The following DNAI3 variants were observed in gnomAD, a reference collection of about 807,000 sequenced individuals.
DNAI3 encodes the protein dynein axonemal intermediate chain 3, also known as WD repeat domain 63.
In DNAI3, 83 loss-of-function variants were observed where a neutral mutation model predicts 115.5. That is an observed-to-expected ratio of 0.72 (90% confidence interval 0.60 to 0.86). DNAI3 has a LOEUF of 0.86. Ranked by LOEUF, DNAI3 falls within the 40% of genes least tolerant of loss-of-function variation. DNAI3 has a pLI of 0.00. For synonymous variants in DNAI3, 320 were observed against 347.0 expected (o/e 0.92, Z 0.86); for missense variants, 1,004 against 1,075.8 (o/e 0.93, Z 0.93).
At chr1:85,124,518 A>C (rs1339252043) in intron 19 of DNAI3, among the ~76,000 whole-genome samples, 2 of 152,100 alleles carry the variant, frequency 1.3e-5, no homozygotes, top group Non-Finnish European at 2.9e-5. Context: ...TACTGTGGGC[A>C]GTTGACTTCA....
intron 14 of DNAI3, among the ~76,000 whole-genome samples, chr1:85,106,717 A>G (rs549395992): frequency 6.6e-6 from 1 of 152,374 alleles, no homozygotes; most frequent in South Asian, 2.1e-4. Context: ...CTGAGAGTCC[A>G]GAAATGAACC....
At chr1:85,121,404 G>A (rs1347226616) in intron 17 of DNAI3, among the ~76,000 whole-genome samples, 3 of 152,216 alleles carry the variant, frequency 2.0e-5, no homozygotes, top group African/African-American at 7.2e-5. Context: ...GGGCTGAAAA[G>A]TAATCACTGA....
Position 85,104,729 on chromosome 1 carries a change from A to C in DNAI3, c.1553+132A>C, listed in dbSNP as rs1015079626. 11 of 729,468 alleles carry C rather than the reference A, an allele frequency of 1.5e-5. No individual in the cohort carries two copies. In the African/African-American group the frequency reaches 2.0e-4, roughly 13 times the overall value. 45.2% of individuals were successfully genotyped at this position (729,468 alleles called of 1,614,324 possible). ...TAAATCTAATATAACTAAATGAAAG[A>C]ATGTTATGGATTGTTGCTAGCTTAA... On this transcript the variant is annotated intron_variant, in intron 14 of 22. Transcript: ENST00000294664.
intron 13 of DNAI3, among the ~76,000 whole-genome samples, chr1:85,099,029 G>A (rs1254045005): frequency 6.6e-6 from 1 of 152,176 alleles, no homozygotes; most frequent in Non-Finnish European, 1.5e-5. Flanking sequence ...AAAGATCTGT[G>A]GCATACCATG....
rs186788973 is a variant in DNAI3 at position 85,117,719 on chromosome 1, C to T, written c.1787-10C>T. The T allele has an allele frequency of 1.2e-6, 2 of 1,612,628 alleles. No homozygotes were observed. The highest frequency in any genetic ancestry group is 1.3e-5 in the African/African-American group (1 of 75,012). The stretch of plus-strand genomic sequence containing the variant: ...AATATGTACTTCTTCTACCCACACT[C>T]CTCTGAAAGACAAAATGTTAGCACA... On this transcript the variant is annotated splice_polypyrimidine_tract_variant and intron_variant, in intron 16 of 22. Transcript: ENST00000294664.
At chr1:85,091,250 A>G (rs1251130070) in intron 8 of DNAI3, among the ~76,000 whole-genome samples, 1 of 152,246 alleles carries the variant, frequency 6.6e-6, no homozygotes, top group Non-Finnish European at 1.5e-5. Flanking sequence ...TTGTTTACAT[A>G]TAATCAATAT....
chr1:85,110,259 G>A lies in DNAI3; in HGVS notation c.1786+124G>A, dbSNP rs1188702756. On this transcript the variant is annotated intron_variant, in intron 16 of 22. Transcript: ENST00000294664. ...GAGGTCAGCAGATCGAGATCATCCT[G>A]GCTAACACGGTGAAACCCCGTCTCT... The A allele has an allele frequency of 8.0e-6, 6 of 747,176 alleles. No individual in the cohort carries two copies. The East Asian group carries it at 1.4e-4, about 17-fold the overall frequency. The allele number at this position is 747,176 out of a possible 1,614,324, so 46.3% of individuals were successfully genotyped here. A position where few individuals can be genotyped will look rare whatever the true frequency, so the allele number is the denominator to read the frequency against.
chr1:85,113,857 C>A (rs817469), intron 16 of DNAI3, among the ~76,000 whole-genome samples: 2 of 151,826 alleles, frequency 1.3e-5, no homozygotes. Context: ...TCGTTAATTT[C>A]TCAGATATGT....
chr1:85,088,455 G>T (rs999041329), intron 7 of DNAI3, among the ~76,000 whole-genome samples: 1 of 152,170 alleles, frequency 6.6e-6, no homozygotes, highest in African/African-American at 2.4e-5. Flanking sequence ...AGGGTAGCTG[G>T]TATGAGGTAG....
intron 14 of DNAI3, among the ~76,000 whole-genome samples, chr1:85,106,013 G>A (rs1655480371): frequency 6.6e-6 from 1 of 152,154 alleles, no homozygotes; most frequent in South Asian, 2.1e-4. Flanking sequence ...GGTGGCACAT[G>A]CCTGTAGTCC....
Position 85,097,590 on chromosome 1 carries a change from G to T in DNAI3, c.1285G>T (p.Ala429Ser), listed in dbSNP as rs1389668154. Residue 429 changes from alanine (A) to serine (S), a missense_variant, in exon 12 of 23, where the codon GCA (alanine) becomes TCA (serine). Ala to Ser is a moderately conservative substitution (Grantham distance 99, BLOSUM62 1). Transcript: ENST00000294664. ...NGQIVMWDIT[A>S]HADRIENIKA... ...TTAGATTGTCATGTGGGATATCACC[G>T]CACATGCAGATCGCATAGAAAACAT... 3 of 1,612,274 alleles carry T rather than the reference G, an allele frequency of 1.9e-6. No homozygotes were observed. In the South Asian group the frequency reaches 3.3e-5, roughly 18 times the overall value.
intron 2 of DNAI3, 23 bp from the exon 3 acceptor site, chr1:85,073,031 G>A: frequency 1.4e-6 from 2 of 1,424,166 alleles, no homozygotes; most frequent in Non-Finnish European, 1.9e-6. Context: ...ATGTAAATTT[G>A]ACTTCCTTTT....
At chr1:85,107,204 G>C (rs1219760487) in intron 14 of DNAI3, among the ~76,000 whole-genome samples, 2 of 152,124 alleles carry the variant, frequency 1.3e-5, no homozygotes, top group African/African-American at 4.8e-5. Context: ...ATTAAACACA[G>C]AGTTACCATT....
At chr1:85,127,528 T>C (rs1656185997) in intron 20 of DNAI3, among the ~76,000 whole-genome samples, 1 of 152,160 alleles carries the variant, frequency 6.6e-6, no homozygotes, top group Admixed American at 6.6e-5. Flanking sequence ...TGAACCACTG[T>C]AACCCACCTG....
chr1:85,082,531 A>T, intron 5 of DNAI3, 127 bp downstream of exon 5: 2 of 708,350 alleles, frequency 2.8e-6, no homozygotes, highest in Non-Finnish European at 4.8e-6. Flanking sequence ...TGCAACGTCA[A>T]TCTCCCAGGC....
chr1:85,077,822 C>T (rs1654508918), intron 3 of DNAI3, among the ~76,000 whole-genome samples: 1 of 150,830 alleles, frequency 6.6e-6, no homozygotes, highest in Non-Finnish European at 1.5e-5. Context: ...TATCGTTTGT[C>T]AATTATAACT....
At position 85,082,323 on chromosome 1, in the gene DNAI3, G is replaced by C; in HGVS notation, c.309G>C (p.Leu103=). ...IVQEYPGNEL[L]LVYDKDFKYG... is the part of the protein sequence containing the mutation. ...AGGAATATCCTGGAAATGAGCTTCT[G>C]CTTGTTTATGACAAAGACTTCAAAT... Residue 103 remains leucine (L), a synonymous_variant, in exon 5 of 23, where the codon CTG becomes CTC. Coordinates refer to ENST00000294664, the MANE Select transcript of DNAI3 (RefSeq NM_145172.5). 6.2e-7 allele frequency: 1 copy of C among 1,613,404 alleles called. No individual in the cohort carries two copies. Among genetic ancestry groups the C allele is most frequent in the Non-Finnish European group, 8.5e-7 (1 of 1,179,682 alleles).
In DNAI3 at chr1:85,126,631, C is replaced by A. The variant is rs749529083; in HGVS notation, c.2233C>A (p.Leu745Ile). The A allele has an allele frequency of 3.7e-6, 6 of 1,614,078 alleles. No homozygotes were observed. The highest frequency in any genetic ancestry group is 1.6e-4 in the Middle Eastern group (1 of 6,062). The change falls in exon 20 of 23, where the codon CTT becomes ATT. Residue 745 changes from leucine to isoleucine, a missense_variant. Leu to Ile is a conservative substitution (Grantham distance 5, BLOSUM62 2). Coordinates refer to ENST00000294664, the MANE Select transcript of DNAI3 (RefSeq NM_145172.5). Reference sequence around the variant, plus strand: ...AGATGGATACATTGATATCTGGGACCTTCTGGAGAAAACCCATGAACCAGC... The same window carrying A: ...AGATGGATACATTGATATCTGGGACATTCTGGAGAAAACCCATGAACCAGC... ...REDGYIDIWD[L>I]LEKTHEPAQS...
At chr1:85,095,887 A>T in intron 10 of DNAI3, 44 bp from the exon 11 acceptor site, 1 of 1,537,626 alleles carries the variant, frequency 6.5e-7, no homozygotes, top group Non-Finnish European at 9.0e-7. Context: ...CATGATCTTA[A>T]TCTCTTTTCT....
Sources: allele counts gnomAD v4.1 joint callset (sites outside exome capture counted in the v4.1 genomes callset), GRCh38; gene constraint gnomAD v4.1.1; transcripts MANE v1.5; gene names NCBI Gene and HGNC (gene_info 2026-07-23, HGNC 2026-07-21).